The following CSMD1 variants were observed in gnomAD, a reference collection of about 807,000 sequenced individuals.
CSMD1 encodes CUB and sushi domain-containing protein 1.
A neutral mutation model predicts 417.5 loss-of-function variants in CSMD1; 213 were observed. The ratio of observed to expected loss-of-function variants is 0.51; its 90% CI spans 0.46 to 0.57. CSMD1 has a LOEUF of 0.57. Ranked by LOEUF, CSMD1 falls within the 20% of genes least tolerant of loss-of-function variation. The probability of loss-of-function intolerance (pLI) is 0.00; values close to 1 mark genes in which losing one functional copy is unlikely to be tolerated. For synonymous variants in CSMD1, 2,862 were observed against 1,736.8 expected, an observed-to-expected ratio of 1.65 and a Z score of -16.11; for missense variants, 6,923 against 4,529.7, an observed-to-expected ratio of 1.53 and a Z score of -15.17.
chr8:4,555,062 G>C (rs1339475464), intron 2 of CSMD1, among the ~76,000 whole-genome samples: 1 of 152,210 alleles, frequency 6.6e-6, no homozygotes, highest in Non-Finnish European at 1.5e-5. Context: ...GCAATTCCAA[G>C]TAGGCCATGG....
At chr8:4,204,246 C>T (rs754039990) in intron 3 of CSMD1, among the ~76,000 whole-genome samples, 2 of 151,494 alleles carry the variant, frequency 1.3e-5, no homozygotes, top group Non-Finnish European at 2.9e-5. Context: ...TTTCTAATAC[C>T]CATTTATGCA....
At chr8:4,607,649 G>A (rs1800949688) in intron 2 of CSMD1, among the ~76,000 whole-genome samples, 1 of 152,156 alleles carries the variant, frequency 6.6e-6, no homozygotes. Flanking sequence ...TGTAAAAATG[G>A]ATGGCACTAC....
intron 7 of CSMD1, among the ~76,000 whole-genome samples, chr8:3,642,542 G>A (rs1342586811): frequency 6.6e-6 from 1 of 152,124 alleles, no homozygotes; most frequent in Non-Finnish European, 1.5e-5. Flanking sequence ...TGTCTCCAAA[G>A]ATAAAGTTCC....
intron 2 of CSMD1, among the ~76,000 whole-genome samples, chr8:4,479,595 G>T (rs900040183): frequency 1.3e-5 from 2 of 152,018 alleles, no homozygotes; most frequent in Admixed American, 6.5e-5. Flanking sequence ...TTAGTTGACT[G>T]CTTTAAAAAT....
chr8:4,497,160 T>C (rs368937644), intron 2 of CSMD1, among the ~76,000 whole-genome samples: 14 of 152,300 alleles, frequency 9.2e-5, no homozygotes, highest in African/African-American at 3.1e-4. Context: ...GTATTTCTTT[T>C]AGTAGAATAT....
chr8:3,589,744 T>A (rs1800767127), intron 8 of CSMD1, among the ~76,000 whole-genome samples: 1 of 152,168 alleles, frequency 6.6e-6, no homozygotes, highest in Non-Finnish European at 1.5e-5. Flanking sequence ...CTGGAGAGAT[T>A]TTGAAAGTTG....
At chr8:3,187,726 C>G in intron 36 of CSMD1, 143 bp downstream of exon 36, 1 of 616,896 alleles carries the variant, frequency 1.6e-6, no homozygotes. Context: ...TACTCTAAGA[C>G]TTTCAGCACT....
intron 2 of CSMD1, among the ~76,000 whole-genome samples, chr8:4,495,538 G>A (rs1411161617): frequency 1.3e-5 from 2 of 151,878 alleles, no homozygotes; most frequent in East Asian, 3.9e-4. Context: ...TCTCGCCACT[G>A]CACTCTAGCC....
intron 5 of CSMD1, among the ~76,000 whole-genome samples, chr8:3,936,110 C>G (rs560443748): frequency 6.6e-6 from 1 of 151,392 alleles, no homozygotes; most frequent in South Asian, 2.1e-4. Flanking sequence ...GCCTAACTCT[C>G]TGAAGGTAGA....
chr8:4,206,183 A>G (rs1186128954), intron 3 of CSMD1, among the ~76,000 whole-genome samples: 2 of 152,034 alleles, frequency 1.3e-5, no homozygotes, highest in African/African-American at 4.8e-5. Flanking sequence ...ACATGCTGAA[A>G]AATGAGGATT....
At position 4,698,036 on chromosome 8, in the gene CSMD1, A is replaced by G. The variant is rs748260710; in HGVS notation, c.86-60478T>C. On this transcript the variant is annotated intron_variant, in intron 1 of 69. Coordinates refer to ENST00000635120, the MANE Select transcript of CSMD1 (RefSeq NM_033225.6). ...TATGTCCATAGAGAAATAAGATTATATAATTGGAAGGGTTCATCAAAATAT... is the reference window on the plus strand; with the variant it reads ...TATGTCCATAGAGAAATAAGATTATGTAATTGGAAGGGTTCATCAAAATAT... Among the ~76,000 whole-genome samples, 132 of 152,188 alleles carry G rather than the reference A, an allele frequency of 8.7e-4. 3 individuals carry two copies. Among genetic ancestry groups the G allele is most frequent in the Non-Finnish European group, 4.6e-4 (31 of 68,036 alleles).
At chr8:4,800,619 C>G (rs1798230315) in intron 1 of CSMD1, among the ~76,000 whole-genome samples, 1 of 152,214 alleles carries the variant, frequency 6.6e-6, no homozygotes. Flanking sequence ...GGTAGAGTCA[C>G]AGACCCATCT....
In CSMD1 at chr8:4,612,725, G is replaced by A. The variant is rs537802859; in HGVS notation, c.302+24617C>T. On this transcript the variant is annotated intron_variant, in intron 2 of 69. Coordinates refer to ENST00000635120, the MANE Select transcript of CSMD1 (RefSeq NM_033225.6). The stretch of plus-strand genomic sequence containing the variant: ...TCTCAGGGTATGGAGGCTGGTGGGT[G>A]TGTTTGTGTGTGCAAATGTGTGTGT... Among the ~76,000 whole-genome samples the A allele has an allele frequency of 4.6e-5, 7 of 152,272 alleles. No individual in the cohort carries two copies. The South Asian group carries it at 1.4e-3, about 32-fold the overall frequency.
intron 40 of CSMD1, among the ~76,000 whole-genome samples, chr8:3,148,080 G>A (rs946288908): frequency 6.6e-6 from 1 of 152,112 alleles, no homozygotes; most frequent in African/African-American, 2.4e-5. Flanking sequence ...GGAAATAGGG[G>A]ACCCTTTTCT....
chr8:3,731,402 T>C (rs922072326), intron 6 of CSMD1, among the ~76,000 whole-genome samples: 10 of 152,146 alleles, frequency 6.6e-5, no homozygotes, highest in African/African-American at 2.4e-4. Flanking sequence ...CTTGTCTTGG[T>C]AAGAGTGTGG....
At position 3,018,558 on chromosome 8, in the gene CSMD1, T is replaced by C. The variant is rs755866741; in HGVS notation, c.7948A>G (p.Thr2650Ala). Reference sequence around the variant, plus strand: ...TGAGACCCCACAAGCGTGTAGCCGGTGTTGCACGTAAATATAGCTGTGGCC... The same window carrying C: ...TGAGACCCCACAAGCGTGTAGCCGGCGTTGCACGTAAATATAGCTGTGGCC... ...YGATAIFTCN[T>A]GYTLVGSHVR... is the part of the protein sequence containing the mutation. Residue 2650 changes from threonine to alanine, a missense_variant, in exon 52 of 70, where the codon ACC (threonine) becomes GCC (alanine). By Grantham distance (58) the Thr-to-Ala change is moderately conservative. Coordinates refer to ENST00000635120, the MANE Select transcript of CSMD1 (RefSeq NM_033225.6). The C allele has an allele frequency of 1.9e-6, 3 of 1,613,598 alleles. No homozygotes were observed. The highest frequency in any genetic ancestry group is 2.5e-6 in the Non-Finnish European group (3 of 1,179,782).
intron 41 of CSMD1, chr8:3,127,362 A>C (rs986895219): frequency 2.0e-5 from 3 of 152,198 alleles, no homozygotes; most frequent in Non-Finnish European, 2.9e-5. Flanking sequence ...CCCCCGTTGA[A>C]AGGAAAAGGA....
At chr8:3,712,143 G>A (rs1390146350) in intron 6 of CSMD1, among the ~76,000 whole-genome samples, 1 of 123,604 alleles carries the variant, frequency 8.1e-6, no homozygotes, top group Non-Finnish European at 1.8e-5. Flanking sequence ...CTCCTGAGTT[G>A]TAATTTGTTT....
Position 4,994,749 on chromosome 8 carries a change from G to A in CSMD1, c.-333C>T, listed in dbSNP as rs566413761. On this transcript the variant is annotated 5_prime_UTR_variant, in exon 1 of 70. Coordinates refer to ENST00000635120, the MANE Select transcript of CSMD1 (RefSeq NM_033225.6). ...GAGGGGGAGAAGCGGGGAGAGGAGC[G>A]CGCGCAGCCAGGAGAGACCTGGAGA... 5.1e-5 allele frequency: 15 copies of A among 294,286 alleles called. No individual in the cohort carries two copies. Among genetic ancestry groups the A allele is most frequent in the African/African-American group, 3.1e-4 (14 of 44,586 alleles). 18.2% of individuals were successfully genotyped at this position (294,286 alleles called of 1,614,324 possible). A position where few individuals can be genotyped will look rare whatever the true frequency, so the allele number is the denominator to read the frequency against.
Sources: gnomAD v4.1 joint callset for allele counts (sites outside exome capture counted in the v4.1 genomes callset) on GRCh38, gnomAD v4.1.1 for gene constraint, MANE v1.5 for transcripts, NCBI Gene and HGNC (gene_info 2026-07-23, HGNC 2026-07-21) for gene names.